The following CDKL3 variants were observed in gnomAD, a reference collection of about 807,000 sequenced individuals.
The protein encoded by CDKL3 is cyclin dependent kinase like 3, also known as cyclin-dependent kinase-like 3.
A neutral mutation model predicts 69.3 loss-of-function variants in CDKL3; 65 were observed. The observed-to-expected ratio is 0.94, with a 90% confidence interval of 0.77 to 1.15. The LOEUF (loss-of-function observed/expected upper bound fraction) is 1.15. Ranked by LOEUF, CDKL3 falls within the 50% of genes most tolerant of loss-of-function variation. The probability of loss-of-function intolerance (pLI) is 0.00; values close to 1 mark genes in which losing one functional copy is unlikely to be tolerated. For missense variants in CDKL3, 652 were observed against 689.2 expected (o/e 0.95, Z 0.61); for synonymous variants, 202 against 221.6 (o/e 0.91, Z 0.79).
intron 4 of CDKL3, among the ~76,000 whole-genome samples, chr5:134,332,411 G>A (rs1411338272): frequency 2.0e-5 from 3 of 152,102 alleles, no homozygotes; most frequent in South Asian, 2.1e-4. Flanking sequence ...TTCTTTTAGG[G>A]TTTTTATGGT....
chr5:134,315,876 A>C (rs1285842921), intron 6 of CDKL3, among the ~76,000 whole-genome samples: 4 of 152,176 alleles, frequency 2.6e-5, no homozygotes. Flanking sequence ...AAATAAGAAA[A>C]ATATTTCTGT....
At chr5:134,367,239 A>C (rs1220947882), upstream of CDKL3, 2 of 985,254 alleles carry the variant, frequency 2.0e-6, no homozygotes, top group Non-Finnish European at 2.4e-6. Context: ...AAGAAACGGA[A>C]ACCTACTCTG....
intron 12 of CDKL3, chr5:134,299,797 C>T (rs1765881040): frequency 7.9e-7 from 1 of 1,265,996 alleles, no homozygotes; most frequent in East Asian, 2.5e-5. Flanking sequence ...CATGGTGAGT[C>T]TTTGGCTAAG....
intron 4 of CDKL3, among the ~76,000 whole-genome samples, chr5:134,336,302 C>T (rs1777097170): frequency 6.6e-6 from 1 of 152,054 alleles, no homozygotes; most frequent in African/African-American, 2.4e-5. Flanking sequence ...TTGTTATTAC[C>T]GCCCTTCTGA....
intron 6 of CDKL3, among the ~76,000 whole-genome samples, chr5:134,318,509 G>A (rs114954542): frequency 0.018 from 2,689 of 151,764 alleles, 94 homozygotes; most frequent in African/African-American, 0.062. Context: ...TTTTTGAGAC[G>A]GAGCCTCTCT....
intron 12 of CDKL3, among the ~76,000 whole-genome samples, chr5:134,299,934 G>A (rs1765912116): frequency 6.6e-6 from 1 of 152,136 alleles, no homozygotes; most frequent in African/African-American, 2.4e-5. Flanking sequence ...GCCTTTGTAT[G>A]GACTCTTTTC....
At chr5:134,334,202 T>G (rs1404997468) in intron 4 of CDKL3, among the ~76,000 whole-genome samples, 1 of 152,172 alleles carries the variant, frequency 6.6e-6, no homozygotes, top group Non-Finnish European at 1.5e-5. Flanking sequence ...TTCTCTCTTC[T>G]TTATTAGTCT....
chr5:134,357,428 G>A (rs1167689624), intron 3 of CDKL3, among the ~76,000 whole-genome samples: 1 of 150,462 alleles, frequency 6.6e-6, no homozygotes, highest in Non-Finnish European at 1.5e-5. Context: ...TACAGAGCAA[G>A]ACTCTGTCTC....
chr5:134,368,416 A>G (rs1757924878), upstream of CDKL3, among the ~76,000 whole-genome samples: 2 of 152,174 alleles, frequency 1.3e-5, no homozygotes, highest in African/African-American at 4.8e-5. Context: ...CAGGAGATCG[A>G]GACCATCCTG....
chr5:134,345,318 T>C (rs1751587334), intron 4 of CDKL3, among the ~76,000 whole-genome samples: 2 of 152,132 alleles, frequency 1.3e-5, no homozygotes, highest in South Asian at 4.1e-4. Context: ...AAAGACATAA[T>C]ATGGCTGATA....
At chr5:134,363,452 G>A (rs1346426278) in intron 2 of CDKL3, among the ~76,000 whole-genome samples, 6 of 146,774 alleles carry the variant, frequency 4.1e-5, no homozygotes, top group Non-Finnish European at 4.5e-5. Flanking sequence ...TGCCACCATG[G>A]CCGGCTTTTT....
rs986512070 is a variant in CDKL3 at position 134,322,023 on chromosome 5, G to A, written c.540-120C>T. 2.4e-5 allele frequency: 16 copies of A among 660,952 alleles called. No individual in the cohort carries two copies. The African/African-American group carries it at 2.7e-4, about 11-fold the overall frequency. 40.9% of individuals were successfully genotyped at this position (660,952 alleles called of 1,614,324 possible). On this transcript the variant is annotated intron_variant, in intron 4 of 12. Coordinates refer to ENST00000265334, the MANE Select transcript of CDKL3 (RefSeq NM_001113575.2). Reference sequence around the variant, plus strand: ...AACAAGTAGTATCATTTTAAGTTTTGTTTTGTTTTTTTTCGAGACCGAGTC... The same window carrying A: ...AACAAGTAGTATCATTTTAAGTTTTATTTTGTTTTTTTTCGAGACCGAGTC...
chr5:134,330,019 AAATT>A (rs1775383366), intron 4 of CDKL3, among the ~76,000 whole-genome samples: 1 of 151,406 alleles, frequency 6.6e-6, no homozygotes, highest in South Asian at 2.1e-4. Context: ...CAAAAAAAAA[AAATT>A]AATAATAATA....
At chr5:134,359,697 T>G (rs1443514984) in intron 3 of CDKL3, among the ~76,000 whole-genome samples, 200 bp downstream of exon 3, 1 of 152,236 alleles carries the variant, frequency 6.6e-6, no homozygotes, top group Admixed American at 6.5e-5. Context: ...TGCCTTATAG[T>G]TGGAATTACT....
chr5:134,357,111 T>C (rs1754797034), intron 3 of CDKL3, among the ~76,000 whole-genome samples: 2 of 152,162 alleles, frequency 1.3e-5, no homozygotes, highest in South Asian at 4.1e-4. Flanking sequence ...ATCCCCAATA[T>C]TATTTAGTAT....
At chr5:134,354,220 T>G (rs1161778858) in intron 3 of CDKL3, among the ~76,000 whole-genome samples, 1 of 152,188 alleles carries the variant, frequency 6.6e-6, no homozygotes, top group Non-Finnish European at 1.5e-5. Flanking sequence ...ATAAGCTCCG[T>G]GAGGGCAATA....
intron 6 of CDKL3, among the ~76,000 whole-genome samples, chr5:134,317,424 G>A (rs1364493304): frequency 2.0e-5 from 3 of 152,126 alleles, no homozygotes; most frequent in African/African-American, 7.2e-5. Context: ...AAAGTACTGG[G>A]ATTATAGGCA....
chr5:134,300,488 A>G (rs1034341294), intron 12 of CDKL3, among the ~76,000 whole-genome samples: 3 of 152,216 alleles, frequency 2.0e-5, no homozygotes, highest in Non-Finnish European at 2.9e-5. Context: ...AATATGTCAT[A>G]TTCTTTCATG....
chr5:134,319,659 C>T (rs111278473), intron 5 of CDKL3, among the ~76,000 whole-genome samples, 162 bp from the exon 6 acceptor site: 1,728 of 152,186 alleles, frequency 0.011, 22 homozygotes, highest in African/African-American at 0.037. Context: ...ACTATCTGAA[C>T]ATGTCATAAA....
Sources: allele counts gnomAD v4.1 joint callset (sites outside exome capture counted in the v4.1 genomes callset), GRCh38; gene constraint gnomAD v4.1.1; transcripts MANE v1.5; gene names NCBI Gene and HGNC (gene_info 2026-07-23, HGNC 2026-07-21).